The following MTPAP variants were observed in gnomAD, a reference collection of about 807,000 sequenced individuals.
MTPAP encodes the protein poly(A) RNA polymerase, mitochondrial.
In MTPAP, 23 loss-of-function variants were observed where a neutral mutation model predicts 48.7. The ratio of observed to expected loss-of-function variants is 0.47; its 90% confidence interval spans 0.34 to 0.67. MTPAP has a LOEUF of 0.67. Ranked by LOEUF, MTPAP falls within the 30% of genes least tolerant of loss-of-function variation. The pLI is 0.01. For missense variants in MTPAP, 614 were observed against 694.3 expected (o/e 0.88, Z 1.30); for synonymous variants, 257 against 254.1 (o/e 1.01, Z -0.11).
At chr10:30,315,295 G>A (rs1387693542) in intron 8 of MTPAP, among the ~76,000 whole-genome samples, 1 of 152,082 alleles carries the variant, frequency 6.6e-6, no homozygotes, top group Non-Finnish European at 1.5e-5. Context: ...AAGTATATCT[G>A]GGTTTGTGTT....
At chr10:30,315,571 G>A (rs1840652104) in intron 8 of MTPAP, among the ~76,000 whole-genome samples, 1 of 151,390 alleles carries the variant, frequency 6.6e-6, no homozygotes, top group Admixed American at 6.6e-5. Context: ...TCAAATTGAG[G>A]GAATCACTGA....
chr10:30,322,663 A>T, intron 5 of MTPAP, 46 bp from the exon 6 acceptor site: 1 of 1,377,168 alleles, frequency 7.3e-7, no homozygotes, highest in Non-Finnish European at 1.0e-6. Context: ...CCCAAATTAT[A>T]AACCAAGGGT....
intron 6 of MTPAP, among the ~76,000 whole-genome samples, chr10:30,321,409 T>C (rs1460215965): frequency 6.6e-6 from 1 of 152,146 alleles, no homozygotes; most frequent in African/African-American, 2.4e-5. Flanking sequence ...ACACTTACAG[T>C]GTTAACAGGA....
At chr10:30,322,244 C>A in intron 6 of MTPAP, 147 bp downstream of exon 6, 1 of 700,874 alleles carries the variant, frequency 1.4e-6, no homozygotes, top group Non-Finnish European at 2.5e-6. Context: ...AAATCATCTG[C>A]TCTCGTGACT....
At chr10:30,317,325 T>C (rs1421658959) in intron 6 of MTPAP, among the ~76,000 whole-genome samples, 1 of 152,206 alleles carries the variant, frequency 6.6e-6, no homozygotes, top group Non-Finnish European at 1.5e-5. Flanking sequence ...AATTCCATTC[T>C]TATCATCTTC....
chr10:30,327,171 A>C (rs527975739), intron 4 of MTPAP, among the ~76,000 whole-genome samples: 8 of 152,162 alleles, frequency 5.3e-5, no homozygotes, highest in Non-Finnish European at 8.8e-5. Context: ...GCCATCAAAA[A>C]AAATAAACCA....
intron 5 of MTPAP, among the ~76,000 whole-genome samples, chr10:30,323,513 T>C (rs1840752224): frequency 6.7e-6 from 1 of 149,850 alleles, no homozygotes; most frequent in Non-Finnish European, 1.5e-5. Flanking sequence ...AGAATATGTA[T>C]GTATTTATTT....
chr10:30,328,517 C>T (rs1174463178), intron 4 of MTPAP, among the ~76,000 whole-genome samples: 1 of 152,228 alleles, frequency 6.6e-6, no homozygotes, highest in Non-Finnish European at 1.5e-5. Context: ...ATGTGGTATA[C>T]ACCTTTTGGG....
intron 6 of MTPAP, among the ~76,000 whole-genome samples, chr10:30,319,229 G>C (rs916700830): frequency 6.6e-6 from 1 of 152,046 alleles, no homozygotes; most frequent in African/African-American, 2.4e-5. Context: ...GGTGATAAAG[G>C]GCCCTGCATA....
rs111939752 is a variant in MTPAP at position 30,322,912 on chromosome 10, G to A, written c.993-295C>T. Among the ~76,000 whole-genome samples, 7,556 of 151,818 alleles carry A rather than the reference G, an allele frequency of 0.05. 617 individuals carry two copies. The highest frequency in any genetic ancestry group is 0.17 in the African/African-American group (7,113 of 41,350). On this transcript the variant is annotated intron_variant, in intron 5 of 8. Coordinates refer to ENST00000263063, the MANE Select transcript of MTPAP (RefSeq NM_018109.4). Reference sequence around the variant, plus strand: ...AGCACTCTGGGAGGCCGAGGTGGGCGGATCACTTGAGGCCAGGAGTTCAAG... The same window carrying A: ...AGCACTCTGGGAGGCCGAGGTGGGCAGATCACTTGAGGCCAGGAGTTCAAG...
rs1053016981 is a variant in MTPAP at position 30,315,842 on chromosome 10, C to G, written c.1386+121G>C. The stretch of plus-strand genomic sequence containing the variant: ...TCTCTGGACATCAACCTCCTTGTTA[C>G]TACAAATTACTACACAAAAGAAATA... On this transcript the variant is annotated intron_variant, in intron 8 of 8. Transcript: ENST00000263063. The G allele has an allele frequency of 1.4e-5, 16 of 1,144,532 alleles. No individual in the cohort carries two copies. In the African/African-American group the frequency reaches 1.7e-4, roughly 12 times the overall value. The allele number at this position is 1,144,532 out of a possible 1,614,324, so 70.9% of individuals were successfully genotyped here.
At chr10:30,341,943 G>C (rs1012941409) in intron 1 of MTPAP, among the ~76,000 whole-genome samples, 8 of 152,104 alleles carry the variant, frequency 5.3e-5, no homozygotes, top group African/African-American at 1.9e-4. Flanking sequence ...CACAGTAAGA[G>C]ATTAATAACA....
chr10:30,325,416 T>C (rs900915660), intron 5 of MTPAP, among the ~76,000 whole-genome samples: 1 of 152,208 alleles, frequency 6.6e-6, no homozygotes, highest in African/African-American at 2.4e-5. Context: ...ACTCATGCAA[T>C]GAGAAGTTAA....
chr10:30,321,149 C>A (rs1411367625), intron 6 of MTPAP, among the ~76,000 whole-genome samples: 1 of 152,154 alleles, frequency 6.6e-6, no homozygotes, highest in East Asian at 1.9e-4. Context: ...ATTGATGCTG[C>A]CCTTTATTTT....
At position 30,340,462 on chromosome 10, in the gene MTPAP, A is replaced by C; in HGVS notation, c.331-12T>G. The C allele has an allele frequency of 1.3e-6, 2 of 1,589,576 alleles. No homozygotes were observed. Among genetic ancestry groups the C allele is most frequent in the Non-Finnish European group, 1.7e-6 (2 of 1,157,818 alleles). Reference sequence around the variant, plus strand: ...ACAGCATAGAGACCCTATACCAAAAACATAAGAAAAAACAGAACACATTTC... The same window carrying C: ...ACAGCATAGAGACCCTATACCAAAACCATAAGAAAAAACAGAACACATTTC... On this transcript the variant is annotated splice_polypyrimidine_tract_variant and intron_variant, in intron 2 of 8. Coordinates refer to ENST00000263063, the MANE Select transcript of MTPAP (RefSeq NM_018109.4).
chr10:30,340,126 AC>A, intron 3 of MTPAP, 99 bp downstream of exon 3: 1 of 983,408 alleles, frequency 1.0e-6, no homozygotes, highest in Non-Finnish European at 1.6e-6. Flanking sequence ...GAAGATCTAT[AC>A]CCATTAAACA....
At chr10:30,334,053 T>C (rs1834702105) in intron 4 of MTPAP, among the ~76,000 whole-genome samples, 1 of 152,190 alleles carries the variant, frequency 6.6e-6, no homozygotes. Context: ...CAGACATGAT[T>C]CCTATCTGCC....
Position 30,328,873 on chromosome 10 carries a change from C to CAG in MTPAP, c.781-2240_781-2239dup, listed in dbSNP as rs940871617. Reference sequence around the variant, plus strand: ...CGGGTAGGGAGGAAGGAGTTAAGGACAGAGAGAGAGAGCAATAAATGAAGG... The same window carrying CAG: ...CGGGTAGGGAGGAAGGAGTTAAGGACAGAGAGAGAGAGAGCAATAAATGAAGG... On this transcript the variant is annotated intron_variant, in intron 4 of 8. Coordinates refer to ENST00000263063, the MANE Select transcript of MTPAP (RefSeq NM_018109.4). Among the ~76,000 whole-genome samples, 8 of 151,878 alleles carry CAG rather than the reference C, an allele frequency of 5.3e-5. No homozygotes were observed. The South Asian group carries it at 1.3e-3, about 24-fold the overall frequency.
rs1241988687 is a variant in MTPAP, at chr10:30,313,404, T to TTTA, written c.*204_*205insTAA. The stretch of plus-strand genomic sequence containing the variant: ...ACCGCCACACTCCACAGCTGATGTT[T>TTTA]TAATAAAGTGCCACTGAGTATCAGA... On this transcript the variant is annotated 3_prime_UTR_variant, in exon 9 of 9. Transcript: ENST00000263063. The TTTA allele has an allele frequency of 1.5e-6, 1 of 648,902 alleles. No individual in the cohort carries two copies. The highest frequency in any genetic ancestry group is 1.8e-5 in the African/African-American group (1 of 54,784). The allele number at this position is 648,902 out of a possible 1,614,324, so 40.2% of individuals were successfully genotyped here. A position where few individuals can be genotyped will look rare whatever the true frequency, so the allele number is the denominator to read the frequency against.
Sources: allele counts gnomAD v4.1 joint callset (sites outside exome capture counted in the v4.1 genomes callset), GRCh38; gene constraint gnomAD v4.1.1; transcripts MANE v1.5; gene names NCBI Gene and HGNC (gene_info 2026-07-23, HGNC 2026-07-21).